FUS: variants seen among roughly 807,000 people sequenced by gnomAD.
FUS encodes the protein RNA-binding protein FUS.
A neutral mutation model predicts 82.7 loss-of-function variants in FUS; 5 were observed. The ratio of observed to expected loss-of-function variants is 0.06; its 90% CI spans 0.03 to 0.13. FUS has a LOEUF of 0.13. Ranked by LOEUF, FUS falls within the 10% of genes least tolerant of loss-of-function variation. FUS has a pLI of 1.00. For synonymous variants in FUS, 281 were observed against 247.4 expected (o/e 1.14, Z -1.27); for missense variants, 512 against 707.8 (o/e 0.72, Z 3.14).
chr16:31,193,545 T>C (rs1220793288), downstream of FUS: 1 of 529,760 alleles, frequency 1.9e-6, no homozygotes, highest in Non-Finnish European at 3.7e-6. Flanking sequence ...AAGCTCCTTG[T>C]AAGATATGAT....
At chr16:31,184,067 GGACCAGCA>G (rs2079222214) in intron 4 of FUS, 65 bp downstream of exon 4, 1 of 1,612,768 alleles carries the variant, frequency 6.2e-7, no homozygotes. Context: ...AATGATAAAG[GGACCAGCA>G]GTAGGAGCAG....
rs761928065 is a variant in FUS at position 31,190,989 on chromosome 16, G to C, written c.1420G>C (p.Gly474Arg). 3.1e-6 allele frequency: 5 copies of C among 1,613,638 alleles called. No individual in the cohort carries two copies. The highest frequency in any genetic ancestry group is 2.5e-6 in the Non-Finnish European group (3 of 1,179,708). ...MGGNYGDDRRGGRGGYDRGGY... is the reference protein window; with the variant it reads ...MGGNYGDDRRRGRGGYDRGGY... ...GGGTAACTACGGGGATGATCGTCGT[G>C]GTGGCAGAGGAGGCTATGATCGAGG... Residue 474 changes from glycine (G) to arginine (R), a missense_variant, in exon 14 of 15, where the codon GGT (glycine) becomes CGT (arginine). Gly to Arg is a moderately radical substitution (Grantham distance 125). Around this residue, in one of 6 missense-constraint regions of FUS, gnomAD observed 96 missense variants for 120.7 expected, o/e 0.80. Coordinates refer to ENST00000254108, the MANE Select transcript of FUS (RefSeq NM_004960.4).
chr16:31,193,481 TCTTG>T (rs1173200185), downstream of FUS: 1 of 528,622 alleles, frequency 1.9e-6, no homozygotes, highest in Non-Finnish European at 3.7e-6. Flanking sequence ...AGGATTCTAA[TCTTG>T]CTTTGGTTGT....
chr16:31,194,648 A>G (rs2079400858), downstream of FUS: 1 of 488,924 alleles, frequency 2.0e-6, no homozygotes, highest in South Asian at 1.5e-5. Flanking sequence ...TTTATGGGGT[A>G]CAATGTCCTA....
chr16:31,194,479 GT>G (rs1375348664), downstream of FUS: 2 of 499,622 alleles, frequency 4.0e-6, no homozygotes, highest in African/African-American at 1.9e-5. Context: ...TGTATTTTTT[GT>G]GGAGATGGGG....
At position 31,190,964 on chromosome 16, in the gene FUS, G is replaced by T. The variant is rs1349692912; in HGVS notation, c.1395G>T (p.Gly465=). The T allele has an allele frequency of 6.2e-6, 10 of 1,612,576 alleles. No individual in the cohort carries two copies. The highest frequency in any genetic ancestry group is 7.6e-6 in the Non-Finnish European group (9 of 1,178,928). Residue 465 remains glycine, a splice_region_variant and synonymous_variant, in exon 14 of 15, where the codon GGG becomes GGT. Coordinates refer to ENST00000254108, the MANE Select transcript of FUS (RefSeq NM_004960.4). ...PGGGPGGSHM[G]GNYGDDRRGG... ...TAGATCTTGTTTCTTTTGTCCTAGG[G>T]GGTAACTACGGGGATGATCGTCGTG...
chr16:31,194,687 A>C (rs1028765614), downstream of FUS: 7 of 487,072 alleles, frequency 1.4e-5, no homozygotes, highest in African/African-American at 1.4e-4. Flanking sequence ...TTGTGGAATC[A>C]AATCAGGCTA....
intron 5 of FUS, 120 bp from the exon 6 acceptor site, chr16:31,184,819 T>C (rs1366781408): frequency 2.1e-6 from 2 of 968,876 alleles, no homozygotes; most frequent in Non-Finnish European, 3.2e-6. Context: ...GTTTCCTAGC[T>C]GTCTTTTTAC....
Position 31,188,014 on chromosome 16 carries a change from C to G in FUS, c.800-311C>G, listed in dbSNP as rs1262344391. 1.1e-5 allele frequency: 5 copies of G among 468,690 alleles called. No homozygotes were observed. In the Admixed American group the frequency reaches 1.5e-4, roughly 14 times the overall value. The allele number at this position is 468,690 out of a possible 1,614,324, so 29.0% of individuals were successfully genotyped here. A position where few individuals can be genotyped will look rare whatever the true frequency, so the allele number is the denominator to read the frequency against. On this transcript the variant is annotated intron_variant, in intron 7 of 14. Transcript: ENST00000254108. Reference sequence around the variant, plus strand: ...AGTTGGTTTGTTCACTTTAATGGGTCTCCGTTTCCCCTGCCACCTGTGCTG... The same window carrying G: ...AGTTGGTTTGTTCACTTTAATGGGTGTCCGTTTCCCCTGCCACCTGTGCTG...
At chr16:31,192,979 G>A, downstream of FUS, 1 of 484,544 alleles carries the variant, frequency 2.1e-6, no homozygotes, top group South Asian at 1.5e-5. Context: ...TTTATTTTTT[G>A]AGATGGAGTT....
chr16:31,193,819 C>CTTTTTTTTT (rs753379140), downstream of FUS: 1 of 274,700 alleles, frequency 3.6e-6, no homozygotes, highest in South Asian at 4.0e-5. Flanking sequence ...TTTTTAATTA[C>CTTTTTTTTT]TTTTTTTTTT....
At chr16:31,191,929 T>A (rs73530293), downstream of FUS, 1 of 534,680 alleles carries the variant, frequency 1.9e-6, no homozygotes, top group Non-Finnish European at 3.6e-6. Flanking sequence ...AAGAACTCTT[T>A]GATCTTTTGG....
At chr16:31,181,837 G>A (rs956313948) in intron 1 of FUS, among the ~76,000 whole-genome samples, 3 of 152,176 alleles carry the variant, frequency 2.0e-5, no homozygotes, top group African/African-American at 7.2e-5. Flanking sequence ...TGTCCACCAA[G>A]ACCTTGGTTT....
chr16:31,181,208 G>A (rs1241218373), intron 1 of FUS, among the ~76,000 whole-genome samples: 2 of 152,188 alleles, frequency 1.3e-5, no homozygotes, highest in Non-Finnish European at 2.9e-5. Context: ...AGCCAACCAC[G>A]CCTGGTCTAA....
At chr16:31,194,322 ACT>A (rs988489063), downstream of FUS, 13 of 509,200 alleles carry the variant, frequency 2.6e-5, no homozygotes, top group African/African-American at 6.2e-5. Context: ...AGACGGTCTC[ACT>A]CTCACCCAGG....
At chr16:31,188,407 A>T (rs751749620) in intron 8 of FUS, 50 bp downstream of exon 8, 1 of 1,585,458 alleles carries the variant, frequency 6.3e-7, no homozygotes, top group Non-Finnish European at 8.7e-7. Context: ...TGGTATCAAG[A>T]CTGCCTGGAT....
At chr16:31,180,267 C>A in intron 1 of FUS, 40 bp downstream of exon 1, 1 of 1,591,626 alleles carries the variant, frequency 6.3e-7, no homozygotes, top group Non-Finnish European at 8.6e-7. Context: ...GCGCACCCGG[C>A]CGAGGCCTCC....
chr16:31,192,637 T>G (rs2079376897), downstream of FUS: 2 of 483,364 alleles, frequency 4.1e-6, no homozygotes, highest in Non-Finnish European at 8.2e-6. Flanking sequence ...CTCGGCTCAC[T>G]GTAGCCTCTG....
At chr16:31,186,654 T>C (rs2079274984) in intron 6 of FUS, 148 bp from the exon 7 acceptor site, 2 of 720,458 alleles carry the variant, frequency 2.8e-6, no homozygotes, top group Non-Finnish European at 5.1e-6. Context: ...AGACAAGGGG[T>C]GGTCAGGAAG....
Sources: gnomAD v4.1 joint callset for allele counts (sites outside exome capture counted in the v4.1 genomes callset) on GRCh38, gnomAD v4.1.1 for gene constraint, gnomAD v4.1.1 regional missense constraint, MANE v1.5 for transcripts, NCBI Gene and HGNC (gene_info 2026-07-23, HGNC 2026-07-21) for gene names.